The following KIF6 variants were observed in gnomAD, a reference collection of about 807,000 sequenced individuals.
KIF6 encodes kinesin family member 6, also known as kinesin-like protein KIF6.
KIF6 carries 106 observed loss-of-function variants against 112.7 expected under a neutral mutation model. The ratio of observed to expected loss-of-function variants is 0.94; its 90% CI spans 0.80 to 1.11. KIF6 has a LOEUF of 1.11. Among genes scored for constraint, KIF6 ranks in the 50% least tolerant of loss-of-function variants. The probability of loss-of-function intolerance (pLI) is 0.00; values close to 1 mark genes in which losing one functional copy is unlikely to be tolerated. For missense variants in KIF6, 929 were observed against 964.0 expected (o/e 0.96, Z 0.48); for synonymous variants, 339 against 339.9 (o/e 1.00, Z 0.03).
chr6:39,467,492 GA>G lies in KIF6; in HGVS notation c.1646-36332del, dbSNP rs956401395. 3.2e-3 allele frequency among the ~76,000 whole-genome samples: 473 copies of G among 148,172 alleles called. 2 individuals carry two copies. The highest frequency in any genetic ancestry group is 6.8e-3 in the African/African-American group (275 of 40,448). On this transcript the variant is annotated intron_variant, in intron 13 of 22. Transcript: ENST00000287152. Reference sequence around the variant, plus strand: ...CAGTCAGCTTAGCAGAGATATCAGGGAAAAAAAAAACACAGAGAGAGGCAGC... The same window carrying G: ...CAGTCAGCTTAGCAGAGATATCAGGGAAAAAAAAACACAGAGAGAGGCAGC...
chr6:39,428,857 C>T (rs994461234), intron 14 of KIF6, among the ~76,000 whole-genome samples: 3 of 152,188 alleles, frequency 2.0e-5, no homozygotes, highest in South Asian at 2.1e-4. Flanking sequence ...CATGGGGCAT[C>T]GGCATTATTC....
intron 15 of KIF6, among the ~76,000 whole-genome samples, chr6:39,401,273 T>C (rs1768679748): frequency 6.6e-6 from 1 of 152,210 alleles, no homozygotes; most frequent in Non-Finnish European, 1.5e-5. Flanking sequence ...CCAGCTCCCA[T>C]TTTCCTCTGT....
chr6:39,515,653 C>T (rs1300756350), intron 13 of KIF6, among the ~76,000 whole-genome samples: 1 of 152,172 alleles, frequency 6.6e-6, no homozygotes, highest in African/African-American at 2.4e-5. Flanking sequence ...ACTAACATGT[C>T]ATCACAAAGC....
chr6:39,356,860 C>G (rs1366797421), intron 19 of KIF6, among the ~76,000 whole-genome samples: 1 of 152,124 alleles, frequency 6.6e-6, no homozygotes, highest in Non-Finnish European at 1.5e-5. Context: ...TGGAGGCTAC[C>G]TGGATCCTGG....
intron 13 of KIF6, among the ~76,000 whole-genome samples, chr6:39,528,127 TC>T (rs977163098): frequency 1.3e-5 from 2 of 152,152 alleles, no homozygotes; most frequent in Admixed American, 6.6e-5. Context: ...TATCCCCTCC[TC>T]CCAGCTTTTG....
At chr6:39,652,047 C>T (rs1275800967) in intron 3 of KIF6, among the ~76,000 whole-genome samples, 6 of 152,110 alleles carry the variant, frequency 3.9e-5, no homozygotes, top group Non-Finnish European at 7.4e-5. Context: ...TGAAATCAGT[C>T]TTGGCTGGGC....
At position 39,342,145 on chromosome 6, in the gene KIF6, C is replaced by A. The variant is rs562022546; in HGVS notation, c.2428+1564G>T. ...AGCAAAGCTTCCCCTTCAGGCTTCT[C>A]GCTTTCCGCTCTGTCTGCTAGGACT... On this transcript the variant is annotated intron_variant, in intron 22 of 22. Transcript: ENST00000287152. This position sits in a 1 kb window ranked among gnomAD's most constrained non-coding sequence, Gnocchi z 4.7. 6.6e-6 allele frequency among the ~76,000 whole-genome samples: 1 copy of A among 152,230 alleles called. No homozygotes were observed. Among genetic ancestry groups the A allele is most frequent in the Non-Finnish European group, 1.5e-5 (1 of 68,044 alleles).
intron 15 of KIF6, among the ~76,000 whole-genome samples, chr6:39,409,567 T>G (rs1769334188): frequency 6.6e-6 from 1 of 152,208 alleles, no homozygotes; most frequent in South Asian, 2.1e-4. Context: ...GGTCTGTGCT[T>G]TAACAAACAG....
At chr6:39,532,985 C>G (rs1778158113) in intron 13 of KIF6, among the ~76,000 whole-genome samples, 1 of 152,198 alleles carries the variant, frequency 6.6e-6, no homozygotes, top group Admixed American at 6.5e-5. Context: ...TCTGTAGTAG[C>G]AGGACTGACA....
intron 13 of KIF6, among the ~76,000 whole-genome samples, chr6:39,479,298 C>T (rs537052249): frequency 8.5e-5 from 13 of 152,256 alleles, no homozygotes; most frequent in South Asian, 6.2e-4. Flanking sequence ...GATGAGGATC[C>T]AGTTTCATTC....
chr6:39,623,117 A>G (rs1174966596), intron 5 of KIF6, among the ~76,000 whole-genome samples: 5 of 152,242 alleles, frequency 3.3e-5, no homozygotes, highest in African/African-American at 1.2e-4. Context: ...ATTACATTGT[A>G]TAGAATATGA....
At chr6:39,721,498 T>G (rs892757496) in intron 1 of KIF6, among the ~76,000 whole-genome samples, 7 of 152,168 alleles carry the variant, frequency 4.6e-5, no homozygotes, top group African/African-American at 1.4e-4. Context: ...GACTGTAACA[T>G]TCTCTGATTC....
intron 13 of KIF6, among the ~76,000 whole-genome samples, chr6:39,496,765 A>G (rs1775808047): frequency 6.6e-6 from 1 of 152,232 alleles, no homozygotes; most frequent in East Asian, 1.9e-4. Context: ...AACTTATTAT[A>G]TGACTAAAAT....
chr6:39,684,440 A>G (rs1043766941), intron 3 of KIF6, among the ~76,000 whole-genome samples: 5 of 151,820 alleles, frequency 3.3e-5, no homozygotes, highest in Non-Finnish European at 5.9e-5. Context: ...ACATGGAGAA[A>G]CCCTGTCTCT....
At chr6:39,493,523 G>A (rs1156563812) in intron 13 of KIF6, among the ~76,000 whole-genome samples, 1 of 152,200 alleles carries the variant, frequency 6.6e-6, no homozygotes, top group African/African-American at 2.4e-5. Flanking sequence ...AGGAAGCAGA[G>A]AAGCATTCAA....
intron 19 of KIF6, among the ~76,000 whole-genome samples, chr6:39,355,829 G>A (rs903519273): frequency 9.9e-5 from 15 of 151,254 alleles, no homozygotes; most frequent in African/African-American, 3.6e-4. Context: ...CAGAAAAGTT[G>A]GAAAGATAGT....
At chr6:39,716,268 A>G (rs1221863899) in intron 2 of KIF6, among the ~76,000 whole-genome samples, 1 of 152,280 alleles carries the variant, frequency 6.6e-6, no homozygotes, top group Non-Finnish European at 1.5e-5. Context: ...AGTCACTTCT[A>G]ACAAGATTTA....
At chr6:39,351,589 C>A (rs1216394193) in intron 19 of KIF6, among the ~76,000 whole-genome samples, 4 of 151,762 alleles carry the variant, frequency 2.6e-5, no homozygotes. Flanking sequence ...TCTGTCGGGC[C>A]CCTTGCTGAC....
At chr6:39,646,662 A>G (rs1219294591) in intron 3 of KIF6, among the ~76,000 whole-genome samples, 1 of 152,252 alleles carries the variant, frequency 6.6e-6, no homozygotes, top group East Asian at 1.9e-4. Context: ...TAGTTCACTC[A>G]GAAAACACAA....
Sources: allele counts gnomAD v4.1 joint callset (sites outside exome capture counted in the v4.1 genomes callset), GRCh38; gene constraint gnomAD v4.1.1; non-coding constraint Gnocchi (gnomAD v3.1); transcripts MANE v1.5; gene names NCBI Gene and HGNC (gene_info 2026-07-23, HGNC 2026-07-21).